Variants in STAU2 observed in about 807,000 individuals in gnomAD.
STAU2 encodes staufen double-stranded RNA binding protein 2, also known as double-stranded RNA-binding protein Staufen homolog 2.
STAU2 carries 20 observed loss-of-function variants against 65.9 expected under a neutral mutation model. The observed-to-expected ratio is 0.30, with a 90% CI of 0.21 to 0.44. The LOEUF is 0.44. Ranked by LOEUF, STAU2 falls within the 20% of genes least tolerant of loss-of-function variation. The pLI is 1.00. For missense variants in STAU2, 558 were observed against 683.9 expected, an observed-to-expected ratio of 0.82 and a Z score of 2.05; for synonymous variants, 232 against 233.9, an observed-to-expected ratio of 0.99 and a Z score of 0.07.
chr8:73,564,394 T>C (rs1808450127), intron 12 of STAU2, among the ~76,000 whole-genome samples: 1 of 152,094 alleles, frequency 6.6e-6, no homozygotes, highest in Non-Finnish European at 1.5e-5. Context: ...GGAACAGATA[T>C]TAAATACTGC....
intron 6 of STAU2, among the ~76,000 whole-genome samples, chr8:73,667,103 T>C (rs1817292418): frequency 6.6e-6 from 1 of 152,202 alleles, no homozygotes; most frequent in East Asian, 1.9e-4. Flanking sequence ...AAGTTATCCT[T>C]AATACCCCAA....
chr8:73,461,727 A>G (rs1819360813), intron 13 of STAU2, among the ~76,000 whole-genome samples: 1 of 152,090 alleles, frequency 6.6e-6, no homozygotes, highest in Admixed American at 6.5e-5. Context: ...GAGAAGCAGA[A>G]GCCAGGCAGG....
chr8:73,511,094 G>C (rs16938689), intron 13 of STAU2, among the ~76,000 whole-genome samples: 5,163 of 152,298 alleles, frequency 0.034, 270 homozygotes, highest in African/African-American at 0.12. Flanking sequence ...GCTACTTATG[G>C]TGTCGGTGCA....
intron 5 of STAU2, among the ~76,000 whole-genome samples, chr8:73,679,120 G>A (rs1818214183): frequency 6.6e-6 from 1 of 152,198 alleles, no homozygotes; most frequent in Admixed American, 6.5e-5. Context: ...AAATGAATGA[G>A]TAAATGGATA....
chr8:73,662,599 T>TTTGTTGTTGTTG (rs370019142), intron 6 of STAU2, among the ~76,000 whole-genome samples: 23,684 of 150,610 alleles, frequency 0.16, 1,997 homozygotes, highest in East Asian at 0.25. Context: ...TTCAGGGGTT[T>TTTGTTGTTGTTG]TTGTTGTTGT....
At chr8:73,735,939 G>T (rs1478685379) in intron 3 of STAU2, among the ~76,000 whole-genome samples, 1 of 152,140 alleles carries the variant, frequency 6.6e-6, no homozygotes, top group African/African-American at 2.4e-5. Context: ...ATAATTAATG[G>T]CAGGTATCCA....
At chr8:73,437,445 T>C (rs1169776743) in intron 13 of STAU2, among the ~76,000 whole-genome samples, 1 of 152,062 alleles carries the variant, frequency 6.6e-6, no homozygotes. Context: ...CAGTGGCCAC[T>C]AGAATCTGGA....
chr8:73,603,679 C>T, intron 10 of STAU2, 47 bp downstream of exon 10: 1 of 1,589,900 alleles, frequency 6.3e-7, no homozygotes, highest in South Asian at 1.2e-5. Flanking sequence ...CTATTCCATC[C>T]TGGGGATTTC....
intron 6 of STAU2, among the ~76,000 whole-genome samples, chr8:73,623,830 T>G (rs1813444342): frequency 6.6e-6 from 1 of 152,198 alleles, no homozygotes; most frequent in Non-Finnish European, 1.5e-5. Context: ...GACAGTTCTT[T>G]CTCTATTCAT....
intron 11 of STAU2, 74 bp downstream of exon 11, chr8:73,595,092 A>T: frequency 7.9e-7 from 1 of 1,273,394 alleles, no homozygotes; most frequent in Non-Finnish European, 1.1e-6. Context: ...CTTTAATATC[A>T]GTTAAGATCA....
At chr8:73,422,071 A>G (rs959539066) in intron 14 of STAU2, among the ~76,000 whole-genome samples, 2 of 152,146 alleles carry the variant, frequency 1.3e-5, no homozygotes, top group African/African-American at 2.4e-5. Context: ...TGGATTTCAG[A>G]AATAATTACG....
chr8:73,461,502 C>G (rs1819348126), intron 13 of STAU2, among the ~76,000 whole-genome samples: 1 of 151,974 alleles, frequency 6.6e-6, no homozygotes, highest in African/African-American at 2.4e-5. Flanking sequence ...CAATCATAAA[C>G]CTTGTAGAGT....
intron 13 of STAU2, among the ~76,000 whole-genome samples, chr8:73,427,150 A>G (rs1816887165): frequency 6.6e-6 from 1 of 151,324 alleles, no homozygotes; most frequent in African/African-American, 2.4e-5. Context: ...CTGGTCTCGA[A>G]CTCCCGACCT....
At chr8:73,586,076 C>T in intron 11 of STAU2, among the ~76,000 whole-genome samples, 1 of 152,220 alleles carries the variant, frequency 6.6e-6, no homozygotes, top group East Asian at 1.9e-4. Context: ...TACCCAATCT[C>T]TAGCAGTTCT....
intron 9 of STAU2, among the ~76,000 whole-genome samples, chr8:73,607,251 T>C (rs1387863042): frequency 2.6e-5 from 4 of 152,130 alleles, no homozygotes. Flanking sequence ...AAACTAGTGA[T>C]AGAGGTTGCC....
At chr8:73,446,229 T>C (rs1464230742) in intron 13 of STAU2, among the ~76,000 whole-genome samples, 1 of 152,246 alleles carries the variant, frequency 6.6e-6, no homozygotes, top group Non-Finnish European at 1.5e-5. Flanking sequence ...AACATTTTTA[T>C]AATGATAAAA....
At chr8:73,605,453 C>A (rs1465792466) in intron 9 of STAU2, among the ~76,000 whole-genome samples, 3 of 151,528 alleles carry the variant, frequency 2.0e-5, no homozygotes, top group African/African-American at 4.8e-5. Flanking sequence ...GGACTACAGG[C>A]GCACGCCACC....
chr8:73,420,547 CTCTTG>C lies in STAU2; in HGVS notation c.*820_*824del. 9.2e-6 allele frequency: 2 copies of C among 217,158 alleles called. No individual in the cohort carries two copies. Among genetic ancestry groups the C allele is most frequent in the Non-Finnish European group, 9.6e-6 (1 of 104,194 alleles). 13.5% of individuals were successfully genotyped at this position (217,158 alleles called of 1,614,324 possible). The stretch of plus-strand genomic sequence containing the variant: ...AGTCCAGAGGCAGTTACAAAAAACA[CTCTTG>C]ATGCAAACCGTGAGTGGCTACAACA... On this transcript the variant is annotated 3_prime_UTR_variant, in exon 15 of 15. Transcript: ENST00000524300.
chr8:73,708,741 A>G (rs1433210191), intron 4 of STAU2, among the ~76,000 whole-genome samples: 3 of 152,188 alleles, frequency 2.0e-5, no homozygotes, highest in African/African-American at 7.2e-5. Context: ...TAAGCAAGTC[A>G]CTTAACTTTC....
Sources: allele counts gnomAD v4.1 joint callset (sites outside exome capture counted in the v4.1 genomes callset), GRCh38; gene constraint gnomAD v4.1.1; transcripts MANE v1.5; gene names NCBI Gene and HGNC (gene_info 2026-07-23, HGNC 2026-07-21).